The following CORO1C variants were observed in gnomAD, a reference collection of about 807,000 sequenced individuals.
CORO1C encodes coronin-1C.
In CORO1C, 14 loss-of-function variants were observed where a neutral mutation model predicts 51.2. That is an observed-to-expected ratio of 0.27 (90% CI 0.18 to 0.43). The LOEUF is 0.43. Ranked by LOEUF, CORO1C falls within the 20% of genes least tolerant of loss-of-function variation. The pLI is 1.00. For synonymous variants in CORO1C, 181 were observed against 210.5 expected, an observed-to-expected ratio of 0.86 and a Z score of 1.21; for missense variants, 417 against 607.8, an observed-to-expected ratio of 0.69 and a Z score of 3.30.
intron 3 of CORO1C, among the ~76,000 whole-genome samples, chr12:108,664,953 C>CTT (rs2033415976): frequency 6.6e-6 from 1 of 152,166 alleles, no homozygotes; most frequent in Non-Finnish European, 1.5e-5. Flanking sequence ...GCACTGTGAC[C>CTT]CCACTTAGAA....
intron 8 of CORO1C, among the ~76,000 whole-genome samples, chr12:108,651,006 T>A (rs890218695): frequency 7.2e-5 from 11 of 152,228 alleles, no homozygotes; most frequent in African/African-American, 2.4e-4. Flanking sequence ...TTGCCCAGGC[T>A]GGAGTGCAGT....
intron 2 of CORO1C, among the ~76,000 whole-genome samples, chr12:108,693,568 T>C (rs1211185425): frequency 1.3e-5 from 2 of 152,230 alleles, no homozygotes; most frequent in African/African-American, 4.8e-5. Flanking sequence ...GGTCAAGAAA[T>C]GTAGGATTTT....
chr12:108,689,157 A>C (rs1158140457), intron 2 of CORO1C, among the ~76,000 whole-genome samples: 2 of 152,130 alleles, frequency 1.3e-5, no homozygotes, highest in Non-Finnish European at 2.9e-5. Context: ...CTGAGATCGC[A>C]CCACTGCACT....
At chr12:108,669,689 A>AAAAG in intron 3 of CORO1C, among the ~76,000 whole-genome samples, 1 of 122,442 alleles carries the variant, frequency 8.2e-6, no homozygotes, top group Non-Finnish European at 1.7e-5. Context: ...AAAAAAAAAA[A>AAAAG]AGGCGGGGGG....
intron 1 of CORO1C, among the ~76,000 whole-genome samples, chr12:108,715,510 C>T (rs1357159806): frequency 6.6e-6 from 1 of 152,136 alleles, no homozygotes; most frequent in South Asian, 2.1e-4. Context: ...TCCCAATTTT[C>T]TGCTTATCAC....
chr12:108,675,197 T>C (rs575088076), intron 3 of CORO1C, among the ~76,000 whole-genome samples: 2 of 152,304 alleles, frequency 1.3e-5, no homozygotes, highest in East Asian at 3.9e-4. Flanking sequence ...TATATATACA[T>C]AATGCTACTG....
intron 7 of CORO1C, 125 bp downstream of exon 7, chr12:108,654,181 T>C: frequency 1.0e-5 from 7 of 668,652 alleles, no homozygotes; most frequent in Non-Finnish European, 1.9e-5. Flanking sequence ...GTCCTTGGCT[T>C]ATAACATACA....
intron 3 of CORO1C, among the ~76,000 whole-genome samples, chr12:108,663,683 G>A (rs2033363556): frequency 6.6e-6 from 1 of 152,202 alleles, no homozygotes. Context: ...TGGGGAGAGT[G>A]GAGGGAGGCA....
chr12:108,671,859 T>C (rs529969691), intron 3 of CORO1C, among the ~76,000 whole-genome samples: 1 of 152,230 alleles, frequency 6.6e-6, no homozygotes, highest in African/African-American at 2.4e-5. Flanking sequence ...ATCTTCCAGG[T>C]CCAAGAGGTC....
intron 3 of CORO1C, among the ~76,000 whole-genome samples, chr12:108,676,264 G>A (rs544982193): frequency 6.6e-6 from 1 of 152,288 alleles, no homozygotes; most frequent in South Asian, 2.1e-4. Context: ...TCTACTTTTT[G>A]ACATGGAAGG....
chr12:108,703,045 G>A (rs575068389), intron 1 of CORO1C: 223 of 1,188,924 alleles, frequency 1.9e-4, no homozygotes, highest in Non-Finnish European at 2.4e-4. Flanking sequence ...AGTTAGATAA[G>A]ACAGCTTCCA....
intron 1 of CORO1C, among the ~76,000 whole-genome samples, chr12:108,713,329 GC>G (rs1330811316): frequency 6.6e-6 from 1 of 152,182 alleles, no homozygotes; most frequent in African/African-American, 2.4e-5. Flanking sequence ...AGTATGAATA[GC>G]CTTGATGTTG....
chr12:108,685,237 T>C (rs996920709), intron 2 of CORO1C, among the ~76,000 whole-genome samples: 3 of 152,166 alleles, frequency 2.0e-5, no homozygotes, highest in Admixed American at 6.5e-5. Flanking sequence ...TATCTGAGAA[T>C]AATAATAAGC....
chr12:108,718,764 GA>G lies in CORO1C; in HGVS notation c.-6+12664del, dbSNP rs201562296. 5.0e-3 allele frequency among the ~76,000 whole-genome samples: 764 copies of G among 152,030 alleles called. 24 individuals carry two copies. Among genetic ancestry groups the G allele is most frequent in the Admixed American group, 0.046 (704 of 15,248 alleles). On this transcript the variant is annotated intron_variant, in intron 1 of 10. Coordinates refer to ENST00000261401, the MANE Select transcript of CORO1C (RefSeq NM_014325.4). ...AGCATATGCATCTTCTAAAGCGAAG[GA>G]AAAAACAAAACAAAACACTCAATAT...
At chr12:108,706,593 T>C (rs906929477) in intron 1 of CORO1C, among the ~76,000 whole-genome samples, 15 of 152,152 alleles carry the variant, frequency 9.9e-5, no homozygotes, top group Admixed American at 6.6e-5. Flanking sequence ...GATTAATATA[T>C]AAAAATCATT....
At chr12:108,710,526 C>T (rs148438196) in intron 1 of CORO1C, among the ~76,000 whole-genome samples, 325 of 151,932 alleles carry the variant, frequency 2.1e-3, no homozygotes, top group African/African-American at 7.6e-3. Context: ...ATTCATAATA[C>T]TTAACATCTA....
intron 1 of CORO1C, among the ~76,000 whole-genome samples, chr12:108,708,292 T>C (rs1210461400): frequency 6.6e-6 from 1 of 152,120 alleles, no homozygotes; most frequent in Non-Finnish European, 1.5e-5. Context: ...CAACAGAATA[T>C]TATTCAGCAA....
At chr12:108,709,941 T>C (rs956129249) in intron 1 of CORO1C, among the ~76,000 whole-genome samples, 4 of 152,212 alleles carry the variant, frequency 2.6e-5, no homozygotes, top group African/African-American at 7.2e-5. Flanking sequence ...AGGAAGACGA[T>C]GTAGCAGTAA....
At chr12:108,724,659 G>A (rs937285987) in intron 1 of CORO1C, among the ~76,000 whole-genome samples, 1 of 152,178 alleles carries the variant, frequency 6.6e-6, no homozygotes, top group Non-Finnish European at 1.5e-5. Context: ...TCCTTTAAAA[G>A]ATGGTGAGAT....
Sources: allele counts gnomAD v4.1 joint callset (sites outside exome capture counted in the v4.1 genomes callset), GRCh38; gene constraint gnomAD v4.1.1; transcripts MANE v1.5; gene names NCBI Gene and HGNC (gene_info 2026-07-23, HGNC 2026-07-21).